ZFP91: variants seen among roughly 807,000 people sequenced by gnomAD.
ZFP91 encodes the protein E3 ubiquitin-protein ligase ZFP91.
ZFP91 carries 7 observed loss-of-function variants against 63.5 expected under a neutral mutation model. That is an observed-to-expected ratio of 0.11 (90% CI 0.06 to 0.21). ZFP91 has a LOEUF of 0.21. Among genes scored for constraint, ZFP91 ranks in the 10% least tolerant of loss-of-function variants. ZFP91 has a pLI of 1.00. For synonymous variants in ZFP91, 330 were observed against 272.1 expected (o/e 1.21, Z -2.10); for missense variants, 628 against 736.6 (o/e 0.85, Z 1.71).
intron 2 of ZFP91, among the ~76,000 whole-genome samples, chr11:58,597,445 A>G (rs1199706442): frequency 1.3e-5 from 2 of 152,128 alleles, no homozygotes; most frequent in Non-Finnish European, 2.9e-5. Context: ...GTGCCTGGGA[A>G]CTTGTCTGCT....
At chr11:58,598,560 T>C (rs1010902220) in intron 2 of ZFP91, among the ~76,000 whole-genome samples, 4 of 152,126 alleles carry the variant, frequency 2.6e-5, no homozygotes, top group African/African-American at 9.7e-5. Context: ...TTTTCTCTTA[T>C]TATTTATGTA....
chr11:58,580,598 T>G (rs890194961), intron 1 of ZFP91, among the ~76,000 whole-genome samples: 2 of 152,172 alleles, frequency 1.3e-5, no homozygotes, highest in South Asian at 4.1e-4. Context: ...TTTCTTCCAG[T>G]AGAGATAGTG....
In ZFP91 at chr11:58,618,498, G is replaced by A. The variant is rs1237823665; in HGVS notation, c.*792G>A. 4 of 371,590 alleles carry A rather than the reference G, an allele frequency of 1.1e-5. No homozygotes were observed. In the East Asian group the frequency reaches 2.9e-4, roughly 27 times the overall value. 23.0% of individuals were successfully genotyped at this position (371,590 alleles called of 1,614,324 possible). On this transcript the variant is annotated 3_prime_UTR_variant, in exon 11 of 11. Coordinates refer to ENST00000316059, the MANE Select transcript of ZFP91 (RefSeq NM_053023.5). ...ACGATGAGAAAAGTCCCAGGCTAATGGCAGAAATTTGCACTTTGAACATGT... is the reference window on the plus strand; with the variant it reads ...ACGATGAGAAAAGTCCCAGGCTAATAGCAGAAATTTGCACTTTGAACATGT...
At chr11:58,598,348 TTGTC>T (rs1855437514) in intron 2 of ZFP91, among the ~76,000 whole-genome samples, 1 of 152,146 alleles carries the variant, frequency 6.6e-6, no homozygotes, top group South Asian at 2.1e-4. Context: ...GCTACACAGT[TTGTC>T]TGCAAGTTTT....
chr11:58,597,510 A>T (rs1036906828), intron 2 of ZFP91, among the ~76,000 whole-genome samples: 17 of 152,114 alleles, frequency 1.1e-4, no homozygotes, highest in African/African-American at 3.6e-4. Flanking sequence ...TTTAAAGCCA[A>T]ATCTCTTTCT....
intron 2 of ZFP91, among the ~76,000 whole-genome samples, chr11:58,586,165 G>C (rs1209125915): frequency 6.6e-6 from 1 of 152,168 alleles, no homozygotes; most frequent in African/African-American, 2.4e-5. Context: ...TATAGAGACA[G>C]GTAACAAGTC....
At chr11:58,603,905 T>G (rs1219073071) in intron 2 of ZFP91, among the ~76,000 whole-genome samples, 1 of 152,200 alleles carries the variant, frequency 6.6e-6, no homozygotes, top group Non-Finnish European at 1.5e-5. Context: ...AGAATTTTGC[T>G]CTAGAGTGGA....
At chr11:58,591,577 G>T (rs1181258010) in intron 2 of ZFP91, among the ~76,000 whole-genome samples, 1 of 152,068 alleles carries the variant, frequency 6.6e-6, no homozygotes, top group Non-Finnish European at 1.5e-5. Context: ...TGTCCTTCAT[G>T]CCTGTTTATA....
In ZFP91 at chr11:58,610,351, T is replaced by G; in HGVS notation, c.617+17T>G. 6.3e-7 allele frequency: 1 copy of G among 1,579,156 alleles called. No individual in the cohort carries two copies. The highest frequency in any genetic ancestry group is 2.2e-5 in the East Asian group (1 of 44,518). On this transcript the variant is annotated intron_variant, in intron 4 of 10. Transcript: ENST00000316059. ...TGGCATTAGGTAAAAAAAACATTAA[T>G]ATTTCATTTTTAAACCTTTGGGGAC...
At chr11:58,598,579 C>A (rs1338632979) in intron 2 of ZFP91, among the ~76,000 whole-genome samples, 5 of 151,998 alleles carry the variant, frequency 3.3e-5, no homozygotes, top group African/African-American at 1.2e-4. Flanking sequence ...TATCAAGGAA[C>A]CTCCTCAAGG....
intron 2 of ZFP91, among the ~76,000 whole-genome samples, chr11:58,603,606 T>C (rs1026539912): frequency 1.3e-5 from 2 of 152,172 alleles, no homozygotes; most frequent in Admixed American, 1.3e-4. Context: ...AGAATGGAAT[T>C]AAAGAAGAAT....
rs747299122 is a variant in ZFP91 at position 58,579,548 on chromosome 11, C to T, written c.267C>T (p.Pro89=). ...GGAGCAGCCCCAGCGCCAGGCCTCCCGACGTCCCCGGGCAGCAGCCCCAGG... is the reference window on the plus strand; with the variant it reads ...GGAGCAGCCCCAGCGCCAGGCCTCCTGACGTCCCCGGGCAGCAGCCCCAGG... The part of the protein sequence containing the change: ...RRRSSPSARP[P]DVPGQQPQAA... Residue 89 remains proline (P), a synonymous_variant, in exon 1 of 11, where the codon CCC becomes CCT. Transcript: ENST00000316059. 8.2e-6 allele frequency: 13 copies of T among 1,582,634 alleles called. No individual in the cohort carries two copies. Among genetic ancestry groups the T allele is most frequent in the Non-Finnish European group, 1.1e-5 (13 of 1,168,350 alleles).
intron 2 of ZFP91, among the ~76,000 whole-genome samples, chr11:58,602,941 T>G (rs888401613): frequency 3.3e-5 from 5 of 152,098 alleles, no homozygotes; most frequent in African/African-American, 1.2e-4. Flanking sequence ...ATTGCGCCGT[T>G]GCACTCCAGC....
rs114941645 is a variant in ZFP91 at position 58,609,482 on chromosome 11, A to G, written c.371-348A>G. 8.5e-3 allele frequency among the ~76,000 whole-genome samples: 1,291 copies of G among 152,314 alleles called. 18 individuals are homozygous for G. The highest frequency in any genetic ancestry group is 0.03 in the African/African-American group (1,243 of 41,574). ...TTTTGGTGCCTCTGTAGTTCTGGTC[A>G]TCTTTTTGGGACTAATTAATTTAGT... On this transcript the variant is annotated intron_variant, in intron 2 of 10. Transcript: ENST00000316059.
intron 2 of ZFP91, among the ~76,000 whole-genome samples, chr11:58,603,389 T>C (rs1300389407): frequency 6.6e-6 from 1 of 152,242 alleles, no homozygotes; most frequent in African/African-American, 2.4e-5. Context: ...GGACAGCTAT[T>C]CTCTAAAGAG....
In ZFP91 at chr11:58,579,745, G is replaced by T. The variant is rs968573111; in HGVS notation, c.341+123G>T. ...GGTCTGCCCCCTGCCGGCTCCGCACGCCAGATGTCACACCGTTTCCCCGGG... is the reference window on the plus strand; with the variant it reads ...GGTCTGCCCCCTGCCGGCTCCGCACTCCAGATGTCACACCGTTTCCCCGGG... On this transcript the variant is annotated intron_variant, in intron 1 of 10. Transcript: ENST00000316059. 16 of 928,456 alleles carry T rather than the reference G, an allele frequency of 1.7e-5. No homozygotes were observed. The African/African-American group carries it at 2.5e-4, about 14-fold the overall frequency. The allele number at this position is 928,456 out of a possible 1,614,324, so 57.5% of individuals were successfully genotyped here. A position where few individuals can be genotyped will look rare whatever the true frequency, so the allele number is the denominator to read the frequency against.
Position 58,610,952 on chromosome 11 carries a change from G to T in ZFP91, c.620G>T (p.Ser207Ile). The change falls in exon 5 of 11, where the codon AGT becomes ATT. Residue 207 changes from serine (S) to isoleucine (I), a missense_variant and splice_region_variant. Coordinates refer to ENST00000316059, the MANE Select transcript of ZFP91 (RefSeq NM_053023.5). ...CATTTCTATTTACTTATTTTTAGTAGTGAAGAGGAAGAGGAGGAGGAAGAA... is the reference window on the plus strand; with the variant it reads ...CATTTCTATTTACTTATTTTTAGTATTGAAGAGGAAGAGGAGGAGGAAGAA... The part of the protein sequence containing the change: ...EEHQSPGGIS[S>I]EEEEEEEEEM... 6.2e-7 allele frequency: 1 copy of T among 1,610,652 alleles called. No individual in the cohort carries two copies. Among genetic ancestry groups the T allele is most frequent in the Non-Finnish European group, 8.5e-7 (1 of 1,178,956 alleles).
Position 58,617,057 on chromosome 11 carries a change from A to G in ZFP91, c.1203-139A>G. On this transcript the variant is annotated intron_variant, in intron 10 of 10. Transcript: ENST00000316059. The surrounding 1 kb of genome is among the most constrained non-coding windows in gnomAD (Gnocchi z 4.2). ...CATTTCCCAATCCTTCAAAAGAAGT[A>G]TGTTACTGATTATTGTGTGTGTGTG... 1 of 898,270 alleles carries G rather than the reference A, an allele frequency of 1.1e-6. No homozygotes were observed. Among genetic ancestry groups the G allele is most frequent in the Non-Finnish European group, 1.6e-6 (1 of 611,450 alleles). 55.6% of individuals were successfully genotyped at this position (898,270 alleles called of 1,614,324 possible).
chr11:58,612,331 G>A lies in ZFP91; in HGVS notation c.908+3G>A, dbSNP rs1163830017. 8 of 1,613,414 alleles carry A rather than the reference G, an allele frequency of 5.0e-6. No homozygotes were observed. The highest frequency in any genetic ancestry group is 5.9e-6 in the Non-Finnish European group (7 of 1,179,638). Reference sequence around the variant, plus strand: ...AGTCCACGTTTACCCAAAAGGAGGTGAGGAATTTTTACCCCTACTGTTTTA... The same window carrying A: ...AGTCCACGTTTACCCAAAAGGAGGTAAGGAATTTTTACCCCTACTGTTTTA... On this transcript the variant is annotated splice_donor_region_variant and intron_variant, in intron 7 of 10. Coordinates refer to ENST00000316059, the MANE Select transcript of ZFP91 (RefSeq NM_053023.5).
Sources: allele counts gnomAD v4.1 joint callset (sites outside exome capture counted in the v4.1 genomes callset), GRCh38; gene constraint gnomAD v4.1.1; non-coding constraint Gnocchi (gnomAD v3.1); transcripts MANE v1.5; gene names NCBI Gene and HGNC (gene_info 2026-07-23, HGNC 2026-07-21).